GABRB1: variants seen among roughly 807,000 people sequenced by gnomAD.
The protein encoded by GABRB1 is gamma-aminobutyric acid type A receptor subunit beta1.
Under a neutral mutation model 51.6 loss-of-function variants are expected in GABRB1, and 17 were observed. The ratio of observed to expected loss-of-function variants is 0.33; its 90% CI spans 0.23 to 0.49. GABRB1 has a LOEUF of 0.49. Among genes scored for constraint, GABRB1 ranks in the 20% least tolerant of loss-of-function variants. The pLI, the probability that GABRB1 is intolerant of heterozygous loss-of-function variation, is 0.99. For synonymous variants in GABRB1, 247 were observed against 218.9 expected, an observed-to-expected ratio of 1.13 and a Z score of -1.14; for missense variants, 410 against 600.6, an observed-to-expected ratio of 0.68 and a Z score of 3.32.
chr4:47,329,322 G>A (rs1027766621), intron 5 of GABRB1, among the ~76,000 whole-genome samples: 5 of 151,546 alleles, frequency 3.3e-5, no homozygotes, highest in Non-Finnish European at 7.4e-5. Context: ...GTTCTTCAGA[G>A]AAATAGAGCC....
At chr4:47,341,185 A>C (rs1267119134) in intron 5 of GABRB1, among the ~76,000 whole-genome samples, 5 of 152,174 alleles carry the variant, frequency 3.3e-5, no homozygotes, top group Admixed American at 1.3e-4. Flanking sequence ...TCATTCACGG[A>C]CTTGGGGAGC....
In GABRB1 at chr4:47,350,757, A is replaced by AT. The variant is rs1726297720; in HGVS notation, c.544+30548_544+30549insT. On this transcript the variant is annotated intron_variant, in intron 5 of 8. Transcript: ENST00000295454. ...ATGTAGAGTGCTATAAACCCTGATG[A>AT]CACGATGCAAACAAATCAACTCTGG... Among the ~76,000 whole-genome samples, 4 of 152,248 alleles carry AT rather than the reference A, an allele frequency of 2.6e-5. No homozygotes were observed. The South Asian group carries it at 8.3e-4, about 32-fold the overall frequency.
At chr4:47,199,987 A>T (rs996749239) in intron 4 of GABRB1, among the ~76,000 whole-genome samples, 4 of 152,188 alleles carry the variant, frequency 2.6e-5, no homozygotes, top group Non-Finnish European at 5.9e-5. Flanking sequence ...GGATAGGCAG[A>T]TATATTGATT....
At chr4:47,387,051 G>A (rs1727822286) in intron 5 of GABRB1, among the ~76,000 whole-genome samples, 4 of 152,298 alleles carry the variant, frequency 2.6e-5, no homozygotes, top group South Asian at 2.1e-4. Context: ...AAATCTTACA[G>A]GGCTCTGTCT....
chr4:47,087,958 A>G (rs1191431327), intron 3 of GABRB1, among the ~76,000 whole-genome samples: 1 of 152,206 alleles, frequency 6.6e-6, no homozygotes, highest in Non-Finnish European at 1.5e-5. Flanking sequence ...CCTGAGAGAC[A>G]TAGTTCCTTT....
chr4:47,275,400 C>T (rs551304742), intron 4 of GABRB1, among the ~76,000 whole-genome samples: 7 of 152,142 alleles, frequency 4.6e-5, no homozygotes, highest in African/African-American at 7.2e-5. Flanking sequence ...TTCCTGTCCT[C>T]ATTCAGCTAC....
intron 4 of GABRB1, among the ~76,000 whole-genome samples, chr4:47,163,927 G>A (rs1718065668): frequency 6.6e-6 from 1 of 152,042 alleles, no homozygotes; most frequent in South Asian, 2.1e-4. Flanking sequence ...AAACAAGAGA[G>A]GTTTAATGGA....
chr4:47,162,256 A>G (rs1269523971), intron 4 of GABRB1, among the ~76,000 whole-genome samples: 4 of 152,072 alleles, frequency 2.6e-5, no homozygotes, highest in African/African-American at 9.7e-5. Context: ...CATATACTAT[A>G]AATCAATTGT....
At chr4:47,053,620 C>T (rs114855157) in intron 3 of GABRB1, among the ~76,000 whole-genome samples, 180 of 152,308 alleles carry the variant, frequency 1.2e-3, no homozygotes, top group Middle Eastern at 6.8e-3. Context: ...CAACTGGATT[C>T]TACCACCTAA....
chr4:47,341,954 C>T (rs1725916713), intron 5 of GABRB1, among the ~76,000 whole-genome samples: 1 of 152,072 alleles, frequency 6.6e-6, no homozygotes, highest in East Asian at 1.9e-4. Context: ...AGAGAGGACA[C>T]TGAAGATTAT....
In GABRB1 at chr4:47,378,215, C is replaced by A. The variant is rs1371294096; in HGVS notation, c.545-25103C>A. The stretch of plus-strand genomic sequence containing the variant: ...TGCCCCGCGGGAAGGCAGCTAAGGC[C>A]TGGCGAGAAATCGAGCGCAGCGCCA... On this transcript the variant is annotated intron_variant, in intron 5 of 8. Transcript: ENST00000295454. Among the ~76,000 whole-genome samples the A allele has an allele frequency of 3.3e-5, 5 of 152,226 alleles. 1 individual carries two copies. In the South Asian group the frequency reaches 6.2e-4, roughly 19 times the overall value.
chr4:47,396,568 G>A (rs540331213), intron 5 of GABRB1, among the ~76,000 whole-genome samples: 1 of 152,088 alleles, frequency 6.6e-6, no homozygotes, highest in South Asian at 2.1e-4. Context: ...TTAATTTCTA[G>A]AAATTTTTAT....
intron 8 of GABRB1, among the ~76,000 whole-genome samples, chr4:47,424,238 T>C (rs886196896): frequency 1.3e-5 from 2 of 152,228 alleles, no homozygotes; most frequent in Admixed American, 6.5e-5. Context: ...AGCTTGAGCT[T>C]TGAATCAGAT....
intron 3 of GABRB1, among the ~76,000 whole-genome samples, chr4:47,051,021 T>G (rs949572204): frequency 2.6e-5 from 4 of 152,108 alleles, no homozygotes; most frequent in Admixed American, 1.3e-4. Context: ...TGTCTCTGTG[T>G]GTTGGGTCAA....
At chr4:47,350,282 T>C (rs141591479) in intron 5 of GABRB1, among the ~76,000 whole-genome samples, 2 of 141,226 alleles carry the variant, frequency 1.4e-5, no homozygotes, top group African/African-American at 5.3e-5. Context: ...TATATATATA[T>C]ATATAGAGAG....
chr4:47,020,348 C>G (rs186716769), intron 1 of GABRB1, among the ~76,000 whole-genome samples: 1 of 152,090 alleles, frequency 6.6e-6, no homozygotes, highest in Non-Finnish European at 1.5e-5. Context: ...TCAATTCATA[C>G]GAATAGTATC....
chr4:47,195,944 A>G (rs779299958), intron 4 of GABRB1, among the ~76,000 whole-genome samples: 4 of 152,254 alleles, frequency 2.6e-5, no homozygotes, highest in Non-Finnish European at 4.4e-5. Context: ...TTTCTGTGAT[A>G]TAGAGTGAAT....
chr4:47,028,445 C>T (rs1182659238), upstream of GABRB1, among the ~76,000 whole-genome samples: 1 of 151,710 alleles, frequency 6.6e-6, no homozygotes, highest in African/African-American at 2.4e-5. Flanking sequence ...CAATTGTTTG[C>T]TCATTATTTA....
At chr4:47,313,378 T>C (rs899315187) in intron 4 of GABRB1, among the ~76,000 whole-genome samples, 6 of 152,180 alleles carry the variant, frequency 3.9e-5, no homozygotes, top group African/African-American at 1.2e-4. Flanking sequence ...ATTCAATCTT[T>C]TCAATTTATA....
Sources: gnomAD v4.1 joint callset for allele counts (sites outside exome capture counted in the v4.1 genomes callset) on GRCh38, gnomAD v4.1.1 for gene constraint, MANE v1.5 for transcripts, NCBI Gene and HGNC (gene_info 2026-07-23, HGNC 2026-07-21) for gene names.